The following UBE4B variants were observed in gnomAD, a reference collection of about 807,000 sequenced individuals.
The protein encoded by UBE4B is ubiquitination factor E4B, also known as ubiquitin conjugation factor E4 B.
In UBE4B, 27 loss-of-function variants were observed where a neutral mutation model predicts 148.1. That is an observed-to-expected ratio of 0.18 (90% CI 0.13 to 0.25). The LOEUF is 0.25. Ranked by LOEUF, UBE4B falls within the 10% of genes least tolerant of loss-of-function variation. The probability of loss-of-function intolerance (pLI) is 1.00; values close to 1 mark genes in which losing one functional copy is unlikely to be tolerated. For missense variants in UBE4B, 1,170 were observed against 1,662.4 expected (o/e 0.70, Z 5.15); for synonymous variants, 596 against 619.3 (o/e 0.96, Z 0.56).
intron 14 of UBE4B, among the ~76,000 whole-genome samples, chr1:10,131,492 A>C (rs935843002): frequency 6.6e-6 from 1 of 152,184 alleles, no homozygotes; most frequent in African/African-American, 2.4e-5. Context: ...CTCAAAAAAA[A>C]GAAACAGGCA....
At chr1:10,139,948 G>A (rs900377475) in intron 17 of UBE4B, among the ~76,000 whole-genome samples, 14 of 152,084 alleles carry the variant, frequency 9.2e-5, no homozygotes, top group Admixed American at 7.9e-4. Context: ...GGCTGGTCTC[G>A]AACTCCTGAC....
intron 2 of UBE4B, among the ~76,000 whole-genome samples, chr1:10,078,176 T>C (rs1254173682): frequency 6.6e-6 from 1 of 152,070 alleles, no homozygotes; most frequent in Non-Finnish European, 1.5e-5. Context: ...ACCTGGCTAA[T>C]TTTTGTATTT....
chr1:10,163,681 A>C (rs1213884356), intron 23 of UBE4B, among the ~76,000 whole-genome samples: 1 of 151,942 alleles, frequency 6.6e-6, no homozygotes, highest in Non-Finnish European at 1.5e-5. Flanking sequence ...TAAATAAATA[A>C]ATATTAAAGA....
In UBE4B at chr1:10,085,852, C is replaced by T. The variant is rs61782899; in HGVS notation, c.212-9609C>T. On this transcript the variant is annotated intron_variant, in intron 2 of 27. Coordinates refer to ENST00000343090, the MANE Select transcript of UBE4B (RefSeq NM_001105562.3). ...TTCCCCAGGCTGGAGTACAGTGGCGCGATTTTGCCTCACTGCAACGTCTGC... is the reference window on the plus strand; with the variant it reads ...TTCCCCAGGCTGGAGTACAGTGGCGTGATTTTGCCTCACTGCAACGTCTGC... Among the ~76,000 whole-genome samples the T allele has an allele frequency of 5.2e-3, 789 of 152,162 alleles. 6 individuals are homozygous for T. Among genetic ancestry groups the T allele is most frequent in the African/African-American group, 0.018 (727 of 41,522 alleles).
chr1:10,159,216 G>T (rs1006276743), intron 22 of UBE4B, among the ~76,000 whole-genome samples: 3 of 152,110 alleles, frequency 2.0e-5, no homozygotes, highest in African/African-American at 7.2e-5. Context: ...ATTCTTTGTG[G>T]TAAGGCCCTA....
Position 10,161,386 on chromosome 1 carries a change from G to A in UBE4B, c.3198+100G>A. On this transcript the variant is annotated intron_variant, in intron 23 of 27. Transcript: ENST00000343090. The surrounding 1 kb of genome is among the most constrained non-coding windows in gnomAD (Gnocchi z 4.1). The stretch of plus-strand genomic sequence containing the variant: ...GCTGCATTTGTGGGTCTGATGATAT[G>A]CGATCTGACATGCTGGGATTTTCCT... 1 of 1,367,620 alleles carries A rather than the reference G, an allele frequency of 7.3e-7. No individual in the cohort carries two copies. Among genetic ancestry groups the A allele is most frequent in the Non-Finnish European group, 9.9e-7 (1 of 1,010,796 alleles). The allele number at this position is 1,367,620 out of a possible 1,614,324, so 84.7% of individuals were successfully genotyped here. A position where few individuals can be genotyped will look rare whatever the true frequency, so the allele number is the denominator to read the frequency against.
intron 1 of UBE4B, chr1:10,058,942 G>C (rs1462951659): frequency 1.3e-5 from 2 of 152,242 alleles, no homozygotes; most frequent in Non-Finnish European, 2.9e-5. Flanking sequence ...AGAACCATGA[G>C]GGCCAGATAA....
chr1:10,134,971 C>A lies in UBE4B; in HGVS notation c.2026-17C>A, dbSNP rs374391496. 1.2e-6 allele frequency: 2 copies of A among 1,607,404 alleles called. No individual in the cohort carries two copies. The highest frequency in any genetic ancestry group is 2.7e-5 in the African/African-American group (2 of 74,438). On this transcript the variant is annotated splice_polypyrimidine_tract_variant and intron_variant, in intron 15 of 27. Transcript: ENST00000343090. ...TTTTTAATGTTTAAAAATACTTTTT[C>A]TTTTCAACTTTCACAGACAGATGAT...
intron 25 of UBE4B, among the ~76,000 whole-genome samples, chr1:10,174,582 A>C (rs537710966): frequency 1.3e-5 from 2 of 151,220 alleles, no homozygotes; most frequent in South Asian, 4.2e-4. Context: ...TGCGCCTGTA[A>C]TCCCAGCTAC....
At chr1:10,093,628 T>C (rs2101870902) in intron 2 of UBE4B, among the ~76,000 whole-genome samples, 1 of 152,300 alleles carries the variant, frequency 6.6e-6, no homozygotes, top group East Asian at 1.9e-4. Context: ...TAAAATTGTA[T>C]TTATTCAGTG....
At chr1:10,126,773 A>T in intron 10 of UBE4B, 21 bp from the exon 11 acceptor site, 1 of 1,594,424 alleles carries the variant, frequency 6.3e-7, no homozygotes, top group Non-Finnish European at 8.6e-7. Context: ...TATATTTCTG[A>T]TTTTGTTTTT....
chr1:10,067,356 T>G (rs1008420602), intron 1 of UBE4B, among the ~76,000 whole-genome samples: 1 of 152,136 alleles, frequency 6.6e-6, no homozygotes, highest in South Asian at 2.1e-4. Context: ...AGGACACAAA[T>G]TGAGGAATTG....
At position 10,033,595 on chromosome 1, in the gene UBE4B, A is replaced by C; in HGVS notation, c.-76A>C. 1 of 1,433,856 alleles carries C rather than the reference A, an allele frequency of 7.0e-7. No individual in the cohort carries two copies. The highest frequency in any genetic ancestry group is 9.2e-7 in the Non-Finnish European group (1 of 1,083,896). The allele number at this position is 1,433,856 out of a possible 1,614,324, so 88.8% of individuals were successfully genotyped here. On this transcript the variant is annotated 5_prime_UTR_variant, in exon 1 of 28. Coordinates refer to ENST00000343090, the MANE Select transcript of UBE4B (RefSeq NM_001105562.3). ...CCAGACAGCCTGATAGACACCTTCC[A>C]CTCTCCTTCCTCCCGCCGTGGTCTC...
intron 27 of UBE4B, 132 bp from the exon 28 acceptor site, chr1:10,179,763 T>G: frequency 7.3e-7 from 1 of 1,368,638 alleles, no homozygotes; most frequent in Non-Finnish European, 1.0e-6. Context: ...CATGTCCCAG[T>G]CCTTCTGGAG....
chr1:10,124,377 G>A (rs1197711856), intron 10 of UBE4B, among the ~76,000 whole-genome samples: 2 of 152,090 alleles, frequency 1.3e-5, no homozygotes, highest in Admixed American at 1.3e-4. Flanking sequence ...GGCCAGGCTG[G>A]TCTTGAACTC....
intron 8 of UBE4B, among the ~76,000 whole-genome samples, chr1:10,118,891 TTTTTTTTTTTG>T: frequency 8.3e-6 from 1 of 120,586 alleles, no homozygotes; most frequent in African/African-American, 3.2e-5. Context: ...TTTTTTTTTT[TTTTTTTTTTTG>T]AGATGGAGTC....
chr1:10,035,225 T>C (rs904870243), intron 1 of UBE4B, among the ~76,000 whole-genome samples: 3 of 151,268 alleles, frequency 2.0e-5, no homozygotes, highest in Non-Finnish European at 4.4e-5. Context: ...TCTCCATCTC[T>C]TGACCTCGTG....
At chr1:10,060,470 G>A (rs767495636) in intron 1 of UBE4B, among the ~76,000 whole-genome samples, 7 of 152,248 alleles carry the variant, frequency 4.6e-5, no homozygotes, top group Non-Finnish European at 7.4e-5. Context: ...CTGGTGATCT[G>A]ACATTGACTG....
intron 1 of UBE4B, among the ~76,000 whole-genome samples, chr1:10,060,218 T>C (rs964879003): frequency 6.6e-6 from 1 of 152,176 alleles, no homozygotes; most frequent in Non-Finnish European, 1.5e-5. Flanking sequence ...GTGAACACTA[T>C]AGGGTATAGT....
Sources: gnomAD v4.1 joint callset for allele counts (sites outside exome capture counted in the v4.1 genomes callset) on GRCh38, gnomAD v4.1.1 for gene constraint, Gnocchi (gnomAD v3.1) non-coding constraint, MANE v1.5 for transcripts, NCBI Gene and HGNC (gene_info 2026-07-23, HGNC 2026-07-21) for gene names.